Variants in TJP2 observed in about 807,000 individuals in gnomAD.
TJP2 encodes the protein Friedreich ataxia region gene X104 (tight junction protein ZO-2).
In TJP2, 91 loss-of-function variants were observed where a neutral mutation model predicts 133.1. The observed-to-expected ratio is 0.68, with a 90% CI of 0.58 to 0.81. TJP2 has a LOEUF of 0.81. Ranked by LOEUF, TJP2 falls within the 40% of genes least tolerant of loss-of-function variation. The pLI, the probability that TJP2 is intolerant of heterozygous loss-of-function variation, is 0.00. For missense variants in TJP2, 1,541 were observed against 1,565.6 expected (o/e 0.98, Z 0.26); for synonymous variants, 592 against 583.4 (o/e 1.01, Z -0.21).
At chr9:69,244,480 C>T (rs925259279) in intron 17 of TJP2, among the ~76,000 whole-genome samples, 7 of 152,098 alleles carry the variant, frequency 4.6e-5, no homozygotes, top group African/African-American at 1.7e-4. Context: ...TCAGTATTCC[C>T]AACTAAGGCA....
At chr9:69,169,792 A>G (rs1824579568), upstream of TJP2, among the ~76,000 whole-genome samples, 1 of 152,170 alleles carries the variant, frequency 6.6e-6, no homozygotes, top group African/African-American at 2.4e-5. Context: ...CATTCTTGAG[A>G]AAATATGACT....
Position 69,236,163 on chromosome 9 carries a change from A to T in TJP2, c.1916A>T (p.Asp639Val). Residue 639 changes from aspartate (D) to valine (V), a missense_variant, in exon 13 of 23, where the codon GAC becomes GTC. Coordinates refer to ENST00000377245, the MANE Select transcript of TJP2 (RefSeq NM_004817.4). ...EVFRVVDTLYDGKLGNWLAVR... is the reference protein window; with the variant it reads ...EVFRVVDTLYVGKLGNWLAVR... ...TTCCGAGTGGTAGACACACTGTATG[A>T]CGGCAAGCTGGGCAACTGGCTGGCT... The T allele has an allele frequency of 6.2e-7, 1 of 1,614,154 alleles. No homozygotes were observed. Among genetic ancestry groups the T allele is most frequent in the Non-Finnish European group, 8.5e-7 (1 of 1,180,030 alleles).
At position 69,230,184 on chromosome 9, in the gene TJP2, G is replaced by A; in HGVS notation, c.1623G>A (p.Gly541=). 6.2e-7 allele frequency: 1 copy of A among 1,614,190 alleles called. No individual in the cohort carries two copies. The highest frequency in any genetic ancestry group is 1.3e-5 in the African/African-American group (1 of 75,064). ...VGIFVAGIQE[G]TSAEQEGLQE... ...TATTTGTTGCTGGCATTCAAGAAGG[G>A]ACCTCGGCGGAGCAGGAGGGCCTTC... is the stretch of plus-strand genomic sequence containing the variant. Residue 541 remains glycine, a synonymous_variant, in exon 11 of 23, where the codon GGG becomes GGA. Transcript: ENST00000377245.
intron 16 of TJP2, among the ~76,000 whole-genome samples, chr9:69,239,478 T>C (rs1267377535): frequency 6.6e-6 from 1 of 152,242 alleles, no homozygotes; most frequent in African/African-American, 2.4e-5. Context: ...ATTGGTAATA[T>C]TGAAGTGGGC....
chr9:69,194,166 C>T (rs1308574305), intron 1 of TJP2, among the ~76,000 whole-genome samples: 1 of 151,790 alleles, frequency 6.6e-6, no homozygotes, highest in African/African-American at 2.4e-5. Context: ...CCTCTGCGCT[C>T]CCACAGCCTT....
At chr9:69,207,598 G>A (rs1232121136) in intron 1 of TJP2, among the ~76,000 whole-genome samples, 1 of 152,202 alleles carries the variant, frequency 6.6e-6, no homozygotes, top group African/African-American at 2.4e-5. Flanking sequence ...GTCGTGGAAT[G>A]TGCATACCTT....
At chr9:69,139,929 G>T (rs542978641) in intron 1 of TJP2, among the ~76,000 whole-genome samples, 4 of 152,196 alleles carry the variant, frequency 2.6e-5, no homozygotes, top group Non-Finnish European at 4.4e-5. Flanking sequence ...TGGTCACTGG[G>T]CAGGCTTCTG....
At chr9:69,151,322 A>G (rs1356454072) in intron 1 of TJP2, among the ~76,000 whole-genome samples, 4 of 152,158 alleles carry the variant, frequency 2.6e-5, no homozygotes, top group Non-Finnish European at 4.4e-5. Context: ...TCTCTACTAA[A>G]AATACAAAAT....
chr9:69,222,137 G>T (rs1828926154), intron 5 of TJP2, among the ~76,000 whole-genome samples: 1 of 151,002 alleles, frequency 6.6e-6, no homozygotes, highest in African/African-American at 2.4e-5. Flanking sequence ...CTCCCAAAGT[G>T]CTGGGATTAT....
chr9:69,204,588 T>C (rs1432566705), intron 1 of TJP2, among the ~76,000 whole-genome samples: 1 of 152,250 alleles, frequency 6.6e-6, no homozygotes, highest in African/African-American at 2.4e-5. Context: ...ATTCTGTCCC[T>C]GAGTTGTCTC....
chr9:69,221,103 C>T lies in TJP2; in HGVS notation c.559C>T (p.Arg187Trp), dbSNP rs201191711. The T allele has an allele frequency of 1.3e-6, 2 of 1,583,378 alleles. No individual in the cohort carries two copies. The highest frequency in any genetic ancestry group is 1.7e-6 in the Non-Finnish European group (2 of 1,165,334). Reference protein sequence around the residue: ...RGRPHERARSRERDLSRDRSR... With the variant: ...RGRPHERARSWERDLSRDRSR... Reference sequence around the variant, plus strand: ...GCGTCCCCATGAGCGGGCCCGGAGCCGGGAGCGGGACCTCAGCCGGGACCG... The same window carrying T: ...GCGTCCCCATGAGCGGGCCCGGAGCTGGGAGCGGGACCTCAGCCGGGACCG... The change falls in exon 5 of 23, where the codon CGG (arginine) becomes TGG (tryptophan). Residue 187 changes from arginine (R) to tryptophan (W), a missense_variant. Physicochemically the swap from Arg to Trp is moderately radical, Grantham distance 101. Transcript: ENST00000377245.
rs1831122902 is a variant in TJP2, at chr9:69,248,922, T to C, written c.2881-453T>C. Reference sequence around the variant, plus strand: ...ATTGCTGTGGATTTCTCTCTAGCATTTTAGCTCATTCCAGTAAATGATTTT... The same window carrying C: ...ATTGCTGTGGATTTCTCTCTAGCATCTTAGCTCATTCCAGTAAATGATTTT... On this transcript the variant is annotated intron_variant, in intron 19 of 22. Coordinates refer to ENST00000377245, the MANE Select transcript of TJP2 (RefSeq NM_004817.4). 3 of 992,372 alleles carry C rather than the reference T, an allele frequency of 3.0e-6. No homozygotes were observed. The East Asian group carries it at 3.3e-4, about 109-fold the overall frequency. The allele number at this position is 992,372 out of a possible 1,614,324, so 61.5% of individuals were successfully genotyped here.
At chr9:69,211,865 G>A (rs1334976842) in intron 1 of TJP2, among the ~76,000 whole-genome samples, 1 of 152,094 alleles carries the variant, frequency 6.6e-6, no homozygotes, top group Non-Finnish European at 1.5e-5. Context: ...GCCTGCTTCA[G>A]TGCTGGCTTA....
rs183412157 is a variant in TJP2, at chr9:69,218,290, C to T, written c.273C>T (p.Thr91=). The change falls in exon 4 of 23, where the codon ACC becomes ACT. Residue 91 remains threonine (T), a synonymous_variant. Coordinates refer to ENST00000377245, the MANE Select transcript of TJP2 (RefSeq NM_004817.4). ...ACAGAGTGGTCATGGTCAATGGCAC[C>T]CCCATGGAGGATGTGCTTCATTCGT... ...ENDRVVMVNG[T]PMEDVLHSFA... The T allele has an allele frequency of 6.2e-7, 1 of 1,614,030 alleles. No individual in the cohort carries two copies. Among genetic ancestry groups the T allele is most frequent in the Non-Finnish European group, 8.5e-7 (1 of 1,179,948 alleles).
chr9:69,170,209 T>C (rs759992396), upstream of TJP2, among the ~76,000 whole-genome samples: 43 of 152,156 alleles, frequency 2.8e-4, no homozygotes, highest in Non-Finnish European at 4.9e-4. Context: ...AAAAAAATTG[T>C]CCATTGCACA....
At position 69,206,869 on chromosome 9, in the gene TJP2, G is replaced by A. The variant is rs575895102; in HGVS notation, c.61-5679G>A. Among the ~76,000 whole-genome samples, 5 of 152,216 alleles carry A rather than the reference G, an allele frequency of 3.3e-5. 1 individual carries two copies. In the South Asian group the frequency reaches 1.0e-3, roughly 32 times the overall value. ...TGGGATTACAGGCGCGAGCCATCGCGCCCGGCCTCATCTCCCTATTTTTTA... is the reference window on the plus strand; with the variant it reads ...TGGGATTACAGGCGCGAGCCATCGCACCCGGCCTCATCTCCCTATTTTTTA... On this transcript the variant is annotated intron_variant, in intron 1 of 22. Transcript: ENST00000377245.
intron 1 of TJP2, among the ~76,000 whole-genome samples, chr9:69,190,521 A>G (rs4576478): frequency 0.46 from 70,595 of 152,036 alleles, 16,653 homozygotes; most frequent in South Asian, 0.53. Context: ...CCTCTTATTA[A>G]TTAAACAAAT....
At position 69,236,095 on chromosome 9, in the gene TJP2, G is replaced by A; in HGVS notation, c.1848G>A (p.Glu616=). ...TTATAAGAAGCCACTTTGAATGTGA[G>A]AAGGAAACTCCACAGAGCCTGGCCT... ...SFFIRSHFEC[E]KETPQSLAFT... The change falls in exon 13 of 23, where the codon GAG becomes GAA. Residue 616 remains glutamate, a synonymous_variant. Transcript: ENST00000377245. 6.2e-7 allele frequency: 1 copy of A among 1,614,194 alleles called. No individual in the cohort carries two copies. Among genetic ancestry groups the A allele is most frequent in the Non-Finnish European group, 8.5e-7 (1 of 1,180,040 alleles).
chr9:69,121,417 G>A, upstream of TJP2: 1 of 900,056 alleles, frequency 1.1e-6, no homozygotes, highest in East Asian at 1.3e-4. Context: ...TCTCTGGCTC[G>A]CCACCGCCCA....
Sources: gnomAD v4.1 joint callset for allele counts (sites outside exome capture counted in the v4.1 genomes callset) on GRCh38, gnomAD v4.1.1 for gene constraint, MANE v1.5 for transcripts, NCBI Gene and HGNC (gene_info 2026-07-23, HGNC 2026-07-21) for gene names.